ITIH5: variants seen among roughly 807,000 people sequenced by gnomAD.
The protein encoded by ITIH5 is inter-alpha-trypsin inhibitor heavy chain H5.
ITIH5 carries 65 observed loss-of-function variants against 77.5 expected under a neutral mutation model. The ratio of observed to expected loss-of-function variants is 0.84; its 90% CI spans 0.69 to 1.03. ITIH5 has a LOEUF of 1.03. Ranked by LOEUF, ITIH5 falls within the 50% of genes least tolerant of loss-of-function variation. The pLI, the probability that ITIH5 is intolerant of heterozygous loss-of-function variation, is 0.00. For missense variants in ITIH5, 1,208 were observed against 1,213.1 expected (o/e 1.00, Z 0.06); for synonymous variants, 525 against 494.3 (o/e 1.06, Z -0.82).
At chr10:7,614,927 A>G (rs1833333782) in intron 7 of ITIH5, among the ~76,000 whole-genome samples, 1 of 152,200 alleles carries the variant, frequency 6.6e-6, no homozygotes, top group South Asian at 2.1e-4. Flanking sequence ...CACTCATTAA[A>G]TCACAAATGC....
intron 5 of ITIH5, chr10:7,620,525 G>A (rs1833457608): frequency 6.6e-6 from 1 of 152,156 alleles, no homozygotes; most frequent in Non-Finnish European, 1.5e-5. Flanking sequence ...AGTTGAATGA[G>A]GGTATACCTA....
At chr10:7,619,798 C>T (rs1313822815) in intron 5 of ITIH5, 8 of 161,558 alleles carry the variant, frequency 5.0e-5, no homozygotes, top group East Asian at 1.8e-4. Flanking sequence ...GCCACTCCTC[C>T]GACACATGGG....
At chr10:7,629,818 T>A (rs1038092268) in intron 5 of ITIH5, among the ~76,000 whole-genome samples, 4 of 152,244 alleles carry the variant, frequency 2.6e-5, no homozygotes, top group Non-Finnish European at 4.4e-5. Context: ...CTTTCAGTTA[T>A]TTTGAATATA....
rs1418827907 is a variant in ITIH5 at position 7,561,045 on chromosome 10, A to G, written c.*2038T>C. The G allele has an allele frequency of 0.025, 15 of 592 alleles. No homozygotes were observed. Among genetic ancestry groups the G allele is most frequent in the Non-Finnish European group, 0.098 (12 of 122 alleles). The allele number at this position is 592 out of a possible 1,614,324, so 0.0% of individuals were successfully genotyped here. On this transcript the variant is annotated 3_prime_UTR_variant, in exon 14 of 14. Transcript: ENST00000397146. ...GCTTTCAGGTACTGACCCCATTTGA[A>G]AAAAAAAAAAAAGATCTACACGTAA...
chr10:7,590,226 G>A (rs1308611860), intron 7 of ITIH5, among the ~76,000 whole-genome samples: 3 of 151,952 alleles, frequency 2.0e-5, no homozygotes, highest in East Asian at 2.0e-4. Context: ...ACCTTCACCC[G>A]TGGTCCAAGG....
At chr10:7,653,544 G>A (rs916741275) in intron 2 of ITIH5, among the ~76,000 whole-genome samples, 3 of 152,110 alleles carry the variant, frequency 2.0e-5, no homozygotes, top group Non-Finnish European at 4.4e-5. Flanking sequence ...ATTGTAAGTC[G>A]TAGAATTAAA....
chr10:7,600,632 T>C (rs1832995556), intron 7 of ITIH5: 1 of 455,526 alleles, frequency 2.2e-6, no homozygotes, highest in Non-Finnish European at 4.4e-6. Context: ...AACATCCTTC[T>C]TCAAGCTAAG....
At chr10:7,620,998 A>G (rs1833465964) in intron 5 of ITIH5, 1 of 152,194 alleles carries the variant, frequency 6.6e-6, no homozygotes, top group African/African-American at 2.4e-5. Context: ...AGAAATGCCA[A>G]TTCTCAGGCC....
intron 6 of ITIH5, among the ~76,000 whole-genome samples, chr10:7,616,768 C>G (rs1833376082): frequency 6.6e-6 from 1 of 152,066 alleles, no homozygotes; most frequent in South Asian, 2.1e-4. Context: ...ACGAAGGTTG[C>G]AGTGAGCCGA....
At chr10:7,580,216 G>A (rs985910180) in intron 8 of ITIH5, 152 bp from the exon 9 acceptor site, 1 of 643,718 alleles carries the variant, frequency 1.6e-6, no homozygotes, top group Admixed American at 2.8e-5. Flanking sequence ...CGCCTCCCAG[G>A]TTCAAGCGAT....
rs1390636228 is a variant in ITIH5, at chr10:7,580,070, G to A, written c.1109-6C>T. On this transcript the variant is annotated splice_polypyrimidine_tract_variant and splice_region_variant and intron_variant, in intron 8 of 13. Transcript: ENST00000397146. ...GGCCCCGTTGATGTCTGTGCCTGCAGGACACCAACACGGAACAGCTCAAGC... is the reference window on the plus strand; with the variant it reads ...GGCCCCGTTGATGTCTGTGCCTGCAAGACACCAACACGGAACAGCTCAAGC... 6.3e-7 allele frequency: 1 copy of A among 1,591,840 alleles called. No individual in the cohort carries two copies. The highest frequency in any genetic ancestry group is 8.5e-7 in the Non-Finnish European group (1 of 1,171,938).
intron 12 of ITIH5, 51 bp from the exon 13 acceptor site, chr10:7,566,458 G>GCCACCACTCC: frequency 6.5e-7 from 1 of 1,529,264 alleles, no homozygotes; most frequent in Non-Finnish European, 8.9e-7. Flanking sequence ...ACCAGGAGTG[G>GCCACCACTCC]TGGCTCACAC....
intron 7 of ITIH5, among the ~76,000 whole-genome samples, chr10:7,589,766 C>T (rs1832755859): frequency 6.6e-6 from 1 of 151,972 alleles, no homozygotes; most frequent in Non-Finnish European, 1.5e-5. Context: ...CAAAGTATCC[C>T]ATGCAAATAA....
chr10:7,663,353 G>A (rs1327239202), intron 1 of ITIH5, among the ~76,000 whole-genome samples: 8 of 152,194 alleles, frequency 5.3e-5, no homozygotes, highest in Non-Finnish European at 1.5e-5. Context: ...TTTACTATAT[G>A]CAAATGCTTT....
chr10:7,600,448 C>A, intron 7 of ITIH5: 1 of 445,064 alleles, frequency 2.2e-6, no homozygotes, highest in South Asian at 1.6e-5. Flanking sequence ...GTCCCTTCAG[C>A]CCACTGCTGC....
intron 7 of ITIH5, among the ~76,000 whole-genome samples, chr10:7,612,544 CTA>C (rs909874030): frequency 6.6e-6 from 1 of 151,976 alleles, no homozygotes; most frequent in African/African-American, 2.4e-5. Context: ...AGAAGACAAA[CTA>C]TTCGGTAGTC....
Position 7,561,359 on chromosome 10 carries a change from G to A in ITIH5, c.*1724C>T, listed in dbSNP as rs1209053449. The stretch of plus-strand genomic sequence containing the variant: ...TGGCTCCAGGGCTGTCTGTCCAGCT[G>A]GGATTTACATAATAGGAAGGCCCCG... On this transcript the variant is annotated 3_prime_UTR_variant, in exon 14 of 14. Coordinates refer to ENST00000397146, the MANE Select transcript of ITIH5 (RefSeq NM_030569.7). 6.6e-6 allele frequency: 1 copy of A among 152,280 alleles called. No individual in the cohort carries two copies. The highest frequency in any genetic ancestry group is 1.5e-5 in the Non-Finnish European group (1 of 68,088). 9.4% of individuals were successfully genotyped at this position (152,280 alleles called of 1,614,324 possible). A position where few individuals can be genotyped will look rare whatever the true frequency, so the allele number is the denominator to read the frequency against.
At chr10:7,597,064 A>AAAAAAAAAAAAAAAAAAAAAAC (rs1832917470) in intron 7 of ITIH5, among the ~76,000 whole-genome samples, 1 of 145,970 alleles carries the variant, frequency 6.9e-6, no homozygotes, top group African/African-American at 2.5e-5. Context: ...AAAAAAAAAA[A>AAAAAAAAAAAAAAAAAAAAAAC]TTCCACCAAA....
Position 7,562,777 on chromosome 10 carries a change from T to C in ITIH5, c.*306A>G. The C allele has an allele frequency of 2.8e-6, 1 of 352,918 alleles. No individual in the cohort carries two copies. Among genetic ancestry groups the C allele is most frequent in the Non-Finnish European group, 5.3e-6 (1 of 189,450 alleles). 21.9% of individuals were successfully genotyped at this position (352,918 alleles called of 1,614,324 possible). A position where few individuals can be genotyped will look rare whatever the true frequency, so the allele number is the denominator to read the frequency against. The stretch of plus-strand genomic sequence containing the variant: ...TATGCTAACAGAACAGAAAAGCAGG[T>C]TGGGACAAGATACAGACTTTGTTGC... On this transcript the variant is annotated 3_prime_UTR_variant, in exon 14 of 14. Transcript: ENST00000397146.
Sources: allele counts gnomAD v4.1 joint callset (sites outside exome capture counted in the v4.1 genomes callset), GRCh38; gene constraint gnomAD v4.1.1; transcripts MANE v1.5; gene names NCBI Gene and HGNC (gene_info 2026-07-23, HGNC 2026-07-21).